The following AGPAT4 variants were observed in gnomAD, a reference collection of about 807,000 sequenced individuals.
AGPAT4 encodes 1-acylglycerol-3-phosphate O-acyltransferase 4, also known as 1-acyl-sn-glycerol-3-phosphate acyltransferase delta.
AGPAT4 carries 15 observed loss-of-function variants against 48.0 expected under a neutral mutation model. That is an observed-to-expected ratio of 0.31 (90% CI 0.21 to 0.48). AGPAT4 has a LOEUF of 0.48. Ranked by LOEUF, AGPAT4 falls within the 20% of genes least tolerant of loss-of-function variation. AGPAT4 has a pLI of 0.99. For synonymous variants in AGPAT4, 178 were observed against 198.7 expected, an observed-to-expected ratio of 0.90 and a Z score of 0.88; for missense variants, 314 against 482.5, an observed-to-expected ratio of 0.65 and a Z score of 3.27.
At chr6:161,250,089 A>G (rs1039385039) in intron 1 of AGPAT4, among the ~76,000 whole-genome samples, 1 of 149,792 alleles carries the variant, frequency 6.7e-6, no homozygotes, top group Non-Finnish European at 1.5e-5. Flanking sequence ...ACTAATGCAG[A>G]AACAGAAAAC....
In AGPAT4 at chr6:161,211,078, C is replaced by T. The variant is rs559353758; in HGVS notation, c.178+20958G>A. Among the ~76,000 whole-genome samples the T allele has an allele frequency of 1.9e-3, 292 of 152,300 alleles. 2 individuals are homozygous for T. The highest frequency in any genetic ancestry group is 3.5e-3 in the Non-Finnish European group (238 of 68,014). Reference sequence around the variant, plus strand: ...GTAAAAAGCAAGATGGAGTCAGTTACGTCAAATCTTTTTCACGGTCTCAGT... The same window carrying T: ...GTAAAAAGCAAGATGGAGTCAGTTATGTCAAATCTTTTTCACGGTCTCAGT... On this transcript the variant is annotated intron_variant, in intron 2 of 8. Transcript: ENST00000320285.
In AGPAT4 at chr6:161,130,832, C is replaced by T. The variant is rs1472706667; in HGVS notation, c.*5708G>A. 7.7e-6 allele frequency: 4 copies of T among 518,896 alleles called. No individual in the cohort carries two copies. In the Middle Eastern group the frequency reaches 9.5e-4, roughly 124 times the overall value. 32.1% of individuals were successfully genotyped at this position (518,896 alleles called of 1,614,324 possible). A position where few individuals can be genotyped will look rare whatever the true frequency, so the allele number is the denominator to read the frequency against. On this transcript the variant is annotated 3_prime_UTR_variant, in exon 9 of 9. Transcript: ENST00000320285. ...ACTTAGACACTTTACAAGTCTGAGC[C>T]ATCCCGTACTAGTTCATCAACTTTC...
chr6:161,171,438 C>G lies in AGPAT4; in HGVS notation c.179-5021G>C, dbSNP rs1415204990. On this transcript the variant is annotated intron_variant, in intron 2 of 8. Coordinates refer to ENST00000320285, the MANE Select transcript of AGPAT4 (RefSeq NM_020133.3). This position sits in a 1 kb window ranked among gnomAD's most constrained non-coding sequence, Gnocchi z 4.4. The stretch of plus-strand genomic sequence containing the variant: ...GGCAGAAGGCAGAAGGGCAAGCAAG[C>G]ATGTACTCAAGTGAGAGAAATAAGG... Among the ~76,000 whole-genome samples the G allele has an allele frequency of 1.3e-5, 2 of 152,222 alleles. No homozygotes were observed. Among genetic ancestry groups the G allele is most frequent in the African/African-American group, 4.8e-5 (2 of 41,468 alleles).
intron 1 of AGPAT4, among the ~76,000 whole-genome samples, chr6:161,260,367 A>G (rs1294457774): frequency 1.3e-5 from 2 of 152,142 alleles, no homozygotes; most frequent in Non-Finnish European, 2.9e-5. Context: ...TGGTTTGAAA[A>G]TAAAAAGCCA....
At chr6:161,247,751 G>A (rs1782694502) in intron 1 of AGPAT4, among the ~76,000 whole-genome samples, 1 of 152,072 alleles carries the variant, frequency 6.6e-6, no homozygotes, top group Non-Finnish European at 1.5e-5. Flanking sequence ...GGGAGGCTGA[G>A]GTAGGTGAAT....
Position 161,200,089 on chromosome 6 carries a change from T to C in AGPAT4, c.178+31947A>G, listed in dbSNP as rs146308901. Among the ~76,000 whole-genome samples the C allele has an allele frequency of 1.3e-5, 2 of 152,288 alleles. 1 individual carries two copies. The highest frequency in any genetic ancestry group is 3.9e-4 in the East Asian group (2 of 5,174). ...AGGAGGGCTTCTAAGGGCCTAACTCTGCATTGCGACGAATGTGCACAGAAA... is the reference window on the plus strand; with the variant it reads ...AGGAGGGCTTCTAAGGGCCTAACTCCGCATTGCGACGAATGTGCACAGAAA... On this transcript the variant is annotated intron_variant, in intron 2 of 8. Transcript: ENST00000320285. The surrounding 1 kb of genome is among the most constrained non-coding windows in gnomAD (Gnocchi z 5.5).
intron 2 of AGPAT4, among the ~76,000 whole-genome samples, chr6:161,211,074 G>A (rs953227501): frequency 1.3e-5 from 2 of 152,314 alleles, no homozygotes; most frequent in South Asian, 4.1e-4. Flanking sequence ...GATGGAGTCA[G>A]TTACGTCAAA....
At position 161,271,353 on chromosome 6, in the gene AGPAT4, G is replaced by A. The variant is rs113391823; in HGVS notation, c.-90+2585C>T. On this transcript the variant is annotated intron_variant, in intron 1 of 8. Coordinates refer to ENST00000320285, the MANE Select transcript of AGPAT4 (RefSeq NM_020133.3). ...CTAGTATTCTTCTCATACTAATTGC[G>A]TCTCCTTGACTGGCTGTTGCCTCCC... Among the ~76,000 whole-genome samples, 575 of 152,258 alleles carry A rather than the reference G, an allele frequency of 3.8e-3. 4 individuals are homozygous for A. Among genetic ancestry groups the A allele is most frequent in the African/African-American group, 0.013 (545 of 41,536 alleles).
chr6:161,146,458 C>A lies in AGPAT4; in HGVS notation c.843+66G>T. ...CACCGGAGAAAGGCCTGCTACCACACAACACAGCCACACGGCGCACCCACA... is the reference window on the plus strand; with the variant it reads ...CACCGGAGAAAGGCCTGCTACCACAAAACACAGCCACACGGCGCACCCACA... On this transcript the variant is annotated intron_variant, in intron 7 of 8. Transcript: ENST00000320285. This position sits in a 1 kb window ranked among gnomAD's most constrained non-coding sequence, Gnocchi z 7.1. 6.5e-7 allele frequency: 1 copy of A among 1,530,970 alleles called. No individual in the cohort carries two copies. Among genetic ancestry groups the A allele is most frequent in the Non-Finnish European group, 9.0e-7 (1 of 1,111,618 alleles). 94.8% of individuals were successfully genotyped at this position (1,530,970 alleles called of 1,614,324 possible).
intron 3 of AGPAT4, among the ~76,000 whole-genome samples, chr6:161,157,181 T>A (rs1358831877): frequency 6.6e-6 from 1 of 152,232 alleles, no homozygotes; most frequent in Non-Finnish European, 1.5e-5. Flanking sequence ...TTTATTTTGT[T>A]AGATTTTCCA....
chr6:161,252,451 A>C lies in AGPAT4; in HGVS notation c.-89-20149T>G, dbSNP rs150495560. On this transcript the variant is annotated intron_variant, in intron 1 of 8. Coordinates refer to ENST00000320285, the MANE Select transcript of AGPAT4 (RefSeq NM_020133.3). ...AATGAATTAGAAAAAATTGTGAACA[A>C]TTATAAATGAATAAATAGAAAATAA... 4.9e-4 allele frequency among the ~76,000 whole-genome samples: 75 copies of C among 152,354 alleles called. 1 individual carries two copies. In the East Asian group the frequency reaches 0.014, roughly 28 times the overall value.
chr6:161,170,727 A>G (rs1255469177), intron 2 of AGPAT4, among the ~76,000 whole-genome samples: 2 of 152,204 alleles, frequency 1.3e-5, no homozygotes, highest in Non-Finnish European at 1.5e-5. Context: ...TCTTGTGCTG[A>G]AGAGCCCTAC....
rs1779332866 is a variant in AGPAT4 at position 161,143,895 on chromosome 6, C to T, written c.843+2629G>A. On this transcript the variant is annotated intron_variant, in intron 7 of 8. Transcript: ENST00000320285. This position sits in a 1 kb window ranked among gnomAD's most constrained non-coding sequence, Gnocchi z 4.7. ...CCATTCCCCTCCCATTTTGCAGAAA[C>T]TTTACTTGTCCATGAAATTGAAAAG... The T allele has an allele frequency of 3.3e-6, 1 of 305,474 alleles. No homozygotes were observed. Among genetic ancestry groups the T allele is most frequent in the Non-Finnish European group, 6.5e-6 (1 of 154,586 alleles). The allele number at this position is 305,474 out of a possible 1,614,324, so 18.9% of individuals were successfully genotyped here.
chr6:161,247,406 C>T (rs1048086845), intron 1 of AGPAT4, among the ~76,000 whole-genome samples: 1 of 152,060 alleles, frequency 6.6e-6, no homozygotes, highest in African/African-American at 2.4e-5. Flanking sequence ...GATTTGTTTT[C>T]TTCTATTCTT....
At chr6:161,151,568 C>T (rs1779594023) in intron 5 of AGPAT4, among the ~76,000 whole-genome samples, 1 of 152,226 alleles carries the variant, frequency 6.6e-6, no homozygotes, top group Admixed American at 6.5e-5. Flanking sequence ...GGGCCCCTAA[C>T]AAGAGCAGCC....
chr6:161,155,703 G>A lies in AGPAT4; in HGVS notation c.349-1393C>T, dbSNP rs1210620166. On this transcript the variant is annotated intron_variant, in intron 3 of 8. Coordinates refer to ENST00000320285, the MANE Select transcript of AGPAT4 (RefSeq NM_020133.3). This position sits in a 1 kb window ranked among gnomAD's most constrained non-coding sequence, Gnocchi z 5.8. ...TCCAAGAAAACTTAGCCATGAAATC[G>A]GAGGCCCTATCTCCAGGGGACTCCG... 6.6e-6 allele frequency among the ~76,000 whole-genome samples: 1 copy of A among 152,208 alleles called. No individual in the cohort carries two copies. Among genetic ancestry groups the A allele is most frequent in the African/African-American group, 2.4e-5 (1 of 41,460 alleles).
At chr6:161,252,002 C>A (rs569293874) in intron 1 of AGPAT4, among the ~76,000 whole-genome samples, 97 of 152,274 alleles carry the variant, frequency 6.4e-4, no homozygotes, top group African/African-American at 2.1e-3. Context: ...TTGGTGATGA[C>A]CTTGAGCAGG....
chr6:161,183,720 AT>A, intron 2 of AGPAT4, among the ~76,000 whole-genome samples: 1 of 42,766 alleles, frequency 2.3e-5, no homozygotes, highest in African/African-American at 1.1e-4. Context: ...AGGAGAGGAG[AT>A]GGGAGAAGAG....
rs992215435 is a variant in AGPAT4, at chr6:161,135,148, T to A, written c.*1392A>T. 6.6e-6 allele frequency: 1 copy of A among 152,246 alleles called. No homozygotes were observed. Among genetic ancestry groups the A allele is most frequent in the Non-Finnish European group, 1.5e-5 (1 of 68,046 alleles). 9.4% of individuals were successfully genotyped at this position (152,246 alleles called of 1,614,324 possible). A position where few individuals can be genotyped will look rare whatever the true frequency, so the allele number is the denominator to read the frequency against. On this transcript the variant is annotated 3_prime_UTR_variant, in exon 9 of 9. Transcript: ENST00000320285. Reference sequence around the variant, plus strand: ...ACATAACTGCATAGAATAGGCCTTATAATGTGTGGCCAGTTTTTGTATAGA... The same window carrying A: ...ACATAACTGCATAGAATAGGCCTTAAAATGTGTGGCCAGTTTTTGTATAGA...
Sources: gnomAD v4.1 joint callset for allele counts (sites outside exome capture counted in the v4.1 genomes callset) on GRCh38, gnomAD v4.1.1 for gene constraint, Gnocchi (gnomAD v3.1) non-coding constraint, MANE v1.5 for transcripts, NCBI Gene and HGNC (gene_info 2026-07-23, HGNC 2026-07-21) for gene names.